The following ERBB4 variants were observed in gnomAD, a reference collection of about 807,000 sequenced individuals.
ERBB4 encodes the protein receptor tyrosine-protein kinase erbB-4.
In ERBB4, 42 loss-of-function variants were observed where a neutral mutation model predicts 158.0. The ratio of observed to expected loss-of-function variants is 0.27; its 90% CI spans 0.21 to 0.34. The LOEUF is 0.34. ERBB4 is among the 10% of genes least tolerant of loss of function. The pLI is 1.00. For missense variants in ERBB4, 1,333 were observed against 1,624.1 expected, an observed-to-expected ratio of 0.82 and a Z score of 3.08; for synonymous variants, 583 against 558.7, an observed-to-expected ratio of 1.04 and a Z score of -0.61.
chr2:211,562,164 G>C (rs1219556513), intron 19 of ERBB4, 76 bp from the exon 20 acceptor site: 1 of 1,252,042 alleles, frequency 8.0e-7, no homozygotes, highest in Non-Finnish European at 1.2e-6. Context: ...TTGTACTAAT[G>C]GTGCTGATGA....
At chr2:212,266,062 A>T (rs927285323) in intron 1 of ERBB4, among the ~76,000 whole-genome samples, 1 of 151,932 alleles carries the variant, frequency 6.6e-6, no homozygotes, top group Non-Finnish European at 1.5e-5. Context: ...AAAAATAATC[A>T]TATCACAGTT....
chr2:211,802,563 G>C (rs2076524762), intron 3 of ERBB4, among the ~76,000 whole-genome samples: 1 of 152,082 alleles, frequency 6.6e-6, no homozygotes, highest in Non-Finnish European at 1.5e-5. Flanking sequence ...GCTGACATGT[G>C]GAAAAGAGAA....
chr2:212,335,145 T>A (rs1003203751), intron 1 of ERBB4, among the ~76,000 whole-genome samples: 7 of 151,970 alleles, frequency 4.6e-5, no homozygotes, highest in Non-Finnish European at 5.9e-5. Flanking sequence ...ACCTTTTTAA[T>A]GTTTCAATTA....
At chr2:212,202,506 G>A (rs10153695) in intron 1 of ERBB4, among the ~76,000 whole-genome samples, 58,495 of 151,748 alleles carry the variant, frequency 0.39, 13,153 homozygotes, top group East Asian at 0.76. Context: ...GAGCCACCAT[G>A]TCTGGGTATT....
intron 1 of ERBB4, among the ~76,000 whole-genome samples, chr2:212,377,300 TACTC>T (rs2090357915): frequency 6.6e-6 from 1 of 150,386 alleles, no homozygotes; most frequent in Non-Finnish European, 1.5e-5. Flanking sequence ...CACACACACA[TACTC>T]ATGCACAGCT....
intron 1 of ERBB4, among the ~76,000 whole-genome samples, chr2:212,441,717 A>C (rs898872600): frequency 2.0e-5 from 3 of 151,942 alleles, no homozygotes; most frequent in African/African-American, 7.3e-5. Context: ...CTAATAGTTT[A>C]TTTGCTTGGT....
rs766876845 is a variant in ERBB4 at position 211,832,958 on chromosome 2, C to T, written c.422-44799G>A. 1.1e-3 allele frequency among the ~76,000 whole-genome samples: 174 copies of T among 151,690 alleles called. 1 individual carries two copies. The highest frequency in any genetic ancestry group is 2.2e-3 in the Non-Finnish European group (147 of 67,904). On this transcript the variant is annotated intron_variant, in intron 3 of 27. Coordinates refer to ENST00000342788, the MANE Select transcript of ERBB4 (RefSeq NM_005235.3). ...TTCTTGTGTTCAAATTTCAGTTTGG[C>T]AGCTATGAAATCTCTAGAAACTGAT... is the stretch of plus-strand genomic sequence containing the variant.
intron 3 of ERBB4, among the ~76,000 whole-genome samples, chr2:211,826,628 G>C (rs902692195): frequency 9.9e-5 from 15 of 151,808 alleles, no homozygotes; most frequent in African/African-American, 3.4e-4. Flanking sequence ...ATAAATATTT[G>C]TTAAGTGAAT....
intron 3 of ERBB4, among the ~76,000 whole-genome samples, chr2:211,803,168 G>C (rs1218870110): frequency 6.6e-6 from 1 of 152,136 alleles, no homozygotes. Flanking sequence ...ATAGTAAAAT[G>C]TGTCATGCTA....
rs538229268 is a variant in ERBB4 at position 211,880,016 on chromosome 2, ATTAT to A, written c.421+67410_421+67413del. ...ATAAATATATAAATAAAGCATAATT[ATTAT>A]TTAACATATAGTCTCATAAGTACTA... is the stretch of plus-strand genomic sequence containing the variant. On this transcript the variant is annotated intron_variant, in intron 3 of 27. Coordinates refer to ENST00000342788, the MANE Select transcript of ERBB4 (RefSeq NM_005235.3). Among the ~76,000 whole-genome samples, 23 of 151,138 alleles carry A rather than the reference ATTAT, an allele frequency of 1.5e-4. 1 individual carries two copies. In the South Asian group the frequency reaches 4.8e-3, roughly 31 times the overall value.
chr2:212,331,115 T>C (rs2088146678), intron 1 of ERBB4, among the ~76,000 whole-genome samples: 1 of 144,738 alleles, frequency 6.9e-6, no homozygotes, highest in African/African-American at 2.5e-5. Flanking sequence ...AGTATATGAG[T>C]TTATGCATTT....
intron 3 of ERBB4, among the ~76,000 whole-genome samples, chr2:211,808,658 T>A (rs184583961): frequency 1.3e-5 from 2 of 152,346 alleles, no homozygotes; most frequent in Non-Finnish European, 2.9e-5. Flanking sequence ...TTTCCAGTTC[T>A]GTGAAGAAAG....
At chr2:211,612,545 G>T in intron 19 of ERBB4, among the ~76,000 whole-genome samples, 1 of 152,160 alleles carries the variant, frequency 6.6e-6, no homozygotes, top group Middle Eastern at 3.4e-3. Flanking sequence ...CATTAGGTAT[G>T]ATTGGAAGAT....
rs946911676 is a variant in ERBB4, at chr2:212,009,723, A to T, written c.235-62107T>A. Among the ~76,000 whole-genome samples, 5 of 152,156 alleles carry T rather than the reference A, an allele frequency of 3.3e-5. No individual in the cohort carries two copies. The South Asian group carries it at 1.0e-3, about 31-fold the overall frequency. ...GATGTAGCAATAAATTGAGCTAATCATTCCTCCCAATCTTTCATTATATAA... is the reference window on the plus strand; with the variant it reads ...GATGTAGCAATAAATTGAGCTAATCTTTCCTCCCAATCTTTCATTATATAA... On this transcript the variant is annotated intron_variant, in intron 2 of 27. Transcript: ENST00000342788.
intron 2 of ERBB4, among the ~76,000 whole-genome samples, chr2:212,084,548 C>A (rs1461331915): frequency 6.6e-6 from 1 of 151,842 alleles, no homozygotes; most frequent in Non-Finnish European, 1.5e-5. Context: ...TTCTGAAGTA[C>A]TAAAGAACCA....
intron 1 of ERBB4, among the ~76,000 whole-genome samples, chr2:212,325,985 A>G (rs2087810715): frequency 6.6e-6 from 1 of 150,710 alleles, no homozygotes; most frequent in Non-Finnish European, 1.5e-5. Context: ...TGTATACATT[A>G]TAGAAGATGA....
At chr2:212,483,922 G>C (rs1378267274) in intron 1 of ERBB4, among the ~76,000 whole-genome samples, 1 of 152,024 alleles carries the variant, frequency 6.6e-6, no homozygotes, top group African/African-American at 2.4e-5. Flanking sequence ...ATTTTTAATA[G>C]AGACGGAGTT....
intron 1 of ERBB4, among the ~76,000 whole-genome samples, chr2:212,191,727 CGTGTT>C (rs2125712451): frequency 6.9e-6 from 1 of 144,904 alleles, no homozygotes; most frequent in East Asian, 2.0e-4. Flanking sequence ...ACATATAACA[CGTGTT>C]ATACATGTTA....
chr2:211,950,421 C>G (rs550407495), intron 2 of ERBB4, among the ~76,000 whole-genome samples: 1 of 152,130 alleles, frequency 6.6e-6, no homozygotes, highest in East Asian at 1.9e-4. Context: ...TTCCTGAGGA[C>G]TCCAAAAGTT....
Sources: allele counts gnomAD v4.1 joint callset (sites outside exome capture counted in the v4.1 genomes callset), GRCh38; gene constraint gnomAD v4.1.1; transcripts MANE v1.5; gene names NCBI Gene and HGNC (gene_info 2026-07-23, HGNC 2026-07-21).